ADGRL2: variants seen among roughly 807,000 people sequenced by gnomAD.
ADGRL2 encodes the protein adhesion G protein-coupled receptor L2, also known as calcium-independent alpha-latrotoxin receptor 2.
In ADGRL2, 44 loss-of-function variants were observed where a neutral mutation model predicts 157.4. The observed-to-expected ratio is 0.28, with a 90% CI of 0.22 to 0.36. The LOEUF is 0.36. ADGRL2 is among the 10% of genes least tolerant of loss of function. The pLI, the probability that ADGRL2 is intolerant of heterozygous loss-of-function variation, is 1.00. For synonymous variants in ADGRL2, 585 were observed against 624.7 expected (o/e 0.94, Z 0.95); for missense variants, 1,510 against 1,768.9 (o/e 0.85, Z 2.63).
chr1:81,904,539 A>G (rs2094549657), intron 2 of ADGRL2, among the ~76,000 whole-genome samples: 1 of 152,186 alleles, frequency 6.6e-6, no homozygotes, highest in Admixed American at 6.5e-5. Context: ...GCTGCTTCCT[A>G]GAATGGTTGA....
chr1:81,890,005 CT>C (rs2094219773), intron 2 of ADGRL2, among the ~76,000 whole-genome samples: 1 of 152,190 alleles, frequency 6.6e-6, no homozygotes, highest in Admixed American at 6.5e-5. Context: ...TAAATTACTT[CT>C]CTTTGAAAAA....
chr1:81,658,753 C>T (rs80222303), intron 3 of ADGRL2, among the ~76,000 whole-genome samples: 1,706 of 152,040 alleles, frequency 0.011, 14 homozygotes, highest in Non-Finnish European at 0.019. Flanking sequence ...CCTGCTAGTT[C>T]CTTTTTTTTT....
intron 1 of ADGRL2, among the ~76,000 whole-genome samples, chr1:81,434,356 T>A (rs566575453): frequency 6.6e-6 from 1 of 152,354 alleles, no homozygotes; most frequent in Admixed American, 6.5e-5. Flanking sequence ...TATTTTATGT[T>A]TCTTCACTGC....
intron 2 of ADGRL2, among the ~76,000 whole-genome samples, chr1:81,862,599 G>C (rs1000818720): frequency 3.9e-5 from 6 of 152,160 alleles, no homozygotes; most frequent in African/African-American, 9.7e-5. Flanking sequence ...CAGAAAAAAT[G>C]AATTTCCCAG....
intron 2 of ADGRL2, among the ~76,000 whole-genome samples, chr1:81,575,984 C>T (rs1052690696): frequency 2.0e-5 from 3 of 152,030 alleles, no homozygotes; most frequent in African/African-American, 7.2e-5. Context: ...TATCTCAACC[C>T]CTTTCCCTTC....
chr1:81,985,467 C>T (rs1662881880), intron 21 of ADGRL2, 112 bp downstream of exon 21: 5 of 544,398 alleles, frequency 9.2e-6, no homozygotes, highest in East Asian at 3.1e-5. Flanking sequence ...TAACAGGATG[C>T]GGCTCGAAGG....
chr1:81,872,554 G>GTC (rs1405600380), intron 2 of ADGRL2, among the ~76,000 whole-genome samples: 3 of 152,110 alleles, frequency 2.0e-5, no homozygotes, highest in African/African-American at 7.2e-5. Flanking sequence ...AGACAAATTA[G>GTC]TCTCTCTGAT....
At chr1:81,484,277 T>C (rs1391498782) in intron 2 of ADGRL2, among the ~76,000 whole-genome samples, 1 of 152,310 alleles carries the variant, frequency 6.6e-6, no homozygotes, top group Non-Finnish European at 1.5e-5. Context: ...TGAATCTCCT[T>C]TCTAGTTCCA....
rs75735209 is a variant in ADGRL2 at position 81,554,504 on chromosome 1, T to A, written c.-247-26372T>A. Among the ~76,000 whole-genome samples, 359 of 151,822 alleles carry A rather than the reference T, an allele frequency of 2.4e-3. 1 individual carries two copies. Among genetic ancestry groups the A allele is most frequent in the African/African-American group, 7.9e-3 (326 of 41,420 alleles). ...TCTTTTTTTTTTTGGCAAAAAAAAA[T>A]TTTTGAATGTAATAAAGAAATGGCA... is the stretch of plus-strand genomic sequence containing the variant. On this transcript the variant is annotated intron_variant, in intron 2 of 24. Coordinates refer to the ADGRL2 transcript ENST00000370721.
intron 2 of ADGRL2, among the ~76,000 whole-genome samples, chr1:81,902,351 A>G (rs951746923): frequency 6.6e-6 from 1 of 152,160 alleles, no homozygotes; most frequent in Non-Finnish European, 1.5e-5. Context: ...TAATCCCAGC[A>G]TTTTAGGAGG....
chr1:81,502,665 G>T, intron 2 of ADGRL2: 1 of 1,613,682 alleles, frequency 6.2e-7, no homozygotes, highest in South Asian at 1.1e-5. Context: ...AGCTCAGGAC[G>T]CAGTACATGA....
rs186235925 is a variant in ADGRL2, at chr1:81,420,201, G to A, written c.-301-24835G>A. On this transcript the variant is annotated intron_variant, in intron 1 of 24. Coordinates refer to the ADGRL2 transcript ENST00000370721. ...TTTGATAAGCAAAATTGCCTTTAAA[G>A]CATTCTATTTGATAACATTAATATC... 3.9e-5 allele frequency among the ~76,000 whole-genome samples: 6 copies of A among 152,230 alleles called. 1 individual carries two copies. Among genetic ancestry groups the A allele is most frequent in the South Asian group, 4.1e-4 (2 of 4,824 alleles).
chr1:81,776,575 A>G (rs1232576205), intron 2 of ADGRL2, among the ~76,000 whole-genome samples: 1 of 152,250 alleles, frequency 6.6e-6, no homozygotes, highest in Non-Finnish European at 1.5e-5. Context: ...CCATATTCCC[A>G]GTACCCAAGT....
At chr1:81,586,596 C>CA (rs2081031050) in intron 3 of ADGRL2, among the ~76,000 whole-genome samples, 1 of 151,942 alleles carries the variant, frequency 6.6e-6, no homozygotes, top group Non-Finnish European at 1.5e-5. Context: ...CCCAGCCCCT[C>CA]AAAAATGTAA....
At chr1:81,608,883 T>C (rs924008720) in intron 3 of ADGRL2, among the ~76,000 whole-genome samples, 3 of 152,102 alleles carry the variant, frequency 2.0e-5, no homozygotes, top group South Asian at 2.1e-4. Context: ...AAAATTACTA[T>C]TGAGCACCTG....
chr1:81,541,408 A>G (rs886568465), intron 2 of ADGRL2, among the ~76,000 whole-genome samples: 3 of 152,112 alleles, frequency 2.0e-5, no homozygotes, highest in African/African-American at 7.2e-5. Context: ...GATTAAAAGA[A>G]CACTGCACTT....
intron 3 of ADGRL2, among the ~76,000 whole-genome samples, chr1:81,582,134 C>A (rs2080928138): frequency 6.6e-6 from 1 of 152,004 alleles, no homozygotes; most frequent in Non-Finnish European, 1.5e-5. Flanking sequence ...ACAGGAGAAT[C>A]ATTTGAACCC....
intron 1 of ADGRL2, among the ~76,000 whole-genome samples, chr1:81,758,044 G>A (rs2085748889): frequency 6.6e-6 from 1 of 152,164 alleles, no homozygotes; most frequent in African/African-American, 2.4e-5. Flanking sequence ...TCAAGAATCA[G>A]CAATTACTTT....
chr1:81,911,683 A>G (rs1323845137), intron 3 of ADGRL2, among the ~76,000 whole-genome samples: 1 of 152,210 alleles, frequency 6.6e-6, no homozygotes, highest in Non-Finnish European at 1.5e-5. Flanking sequence ...ATTTTTCAAT[A>G]TTAAATGTGA....
Sources: allele counts gnomAD v4.1 joint callset (sites outside exome capture counted in the v4.1 genomes callset), GRCh38; gene constraint gnomAD v4.1.1; transcripts MANE v1.5; gene names NCBI Gene and HGNC (gene_info 2026-07-23, HGNC 2026-07-21).